The following BYSL variants were observed in gnomAD, a reference collection of about 807,000 sequenced individuals.
BYSL encodes the protein bystin like, also known as bystin.
In BYSL, 21 loss-of-function variants were observed where a neutral mutation model predicts 45.4. That is an observed-to-expected ratio of 0.46 (90% confidence interval 0.33 to 0.67). The LOEUF (loss-of-function observed/expected upper bound fraction) is 0.67, where lower values mean the gene tolerates loss of function less well. Among genes scored for constraint, BYSL ranks in the 30% least tolerant of loss-of-function variants. The probability of loss-of-function intolerance (pLI) is 0.02; values close to 1 mark genes in which losing one functional copy is unlikely to be tolerated. For missense variants in BYSL, 522 were observed against 578.5 expected (o/e 0.90, Z 1.00); for synonymous variants, 215 against 231.3 (o/e 0.93, Z 0.64).
chr6:41,911,853 T>C, the BYSL span, among the ~76,000 whole-genome samples: 1 of 152,068 alleles, frequency 6.6e-6, no homozygotes, highest in Admixed American at 6.6e-5. Flanking sequence ...TTCTCGACTC[T>C]GAAGAAAAAA....
upstream of BYSL, chr6:41,921,089 C>G (rs2274578): frequency 0.5 from 796,441 of 1,585,888 alleles, 202,868 homozygotes; most frequent in African/African-American, 0.6. Flanking sequence ...CACAGAAACT[C>G]CTTCAGTTCC....
chr6:41,909,323 C>T, the BYSL span: 1 of 1,614,130 alleles, frequency 6.2e-7, no homozygotes, highest in Non-Finnish European at 8.5e-7. Flanking sequence ...CCACCTTCAC[C>T]AGGAAGTCAC....
intron 1 of BYSL, among the ~76,000 whole-genome samples, chr6:41,922,323 T>G (rs1160795427): frequency 2.0e-5 from 3 of 152,254 alleles, no homozygotes; most frequent in Non-Finnish European, 4.4e-5. Flanking sequence ...GCAGGACCTT[T>G]AAGCTGAGAA....
intron 2 of BYSL, among the ~76,000 whole-genome samples, chr6:41,929,193 C>T (rs1044188926): frequency 2.6e-5 from 4 of 152,174 alleles, no homozygotes; most frequent in East Asian, 3.9e-4. Flanking sequence ...TGAGCCACTG[C>T]GCCCAACTGA....
intron 1 of BYSL, among the ~76,000 whole-genome samples, chr6:41,925,554 G>A (rs949739019): frequency 7.9e-5 from 12 of 151,948 alleles, no homozygotes; most frequent in African/African-American, 2.4e-4. Flanking sequence ...TAGTAGAGAC[G>A]GGGTTTCACC....
intron 4 of BYSL, 76 bp downstream of exon 4, chr6:41,930,844 C>T: frequency 6.6e-7 from 1 of 1,520,830 alleles, no homozygotes; most frequent in Non-Finnish European, 8.8e-7. Flanking sequence ...CTTTCCTTGC[C>T]TCTGGCCCCA....
Position 41,932,144 on chromosome 6 carries a change from TATGCTAGAGATAGAGATTTG to T in BYSL, c.969-216_969-197del. On this transcript the variant is annotated intron_variant, in intron 6 of 6. Transcript: ENST00000230340. This position sits in a 1 kb window ranked among gnomAD's most constrained non-coding sequence, Gnocchi z 4.7. The stretch of plus-strand genomic sequence containing the variant: ...TAGTTGGTTACTGAAACAAGCAGTC[TATGCTAGAGATAGAGATTTG>T]GGTGGATCCCTGTAGAGATGGTGAC... 6.6e-6 allele frequency among the ~76,000 whole-genome samples: 1 copy of T among 152,242 alleles called. No individual in the cohort carries two copies. Among genetic ancestry groups the T allele is most frequent in the African/African-American group, 2.4e-5 (1 of 41,548 alleles).
chr6:41,927,853 C>T (rs895999213), intron 2 of BYSL, among the ~76,000 whole-genome samples: 3 of 152,230 alleles, frequency 2.0e-5, no homozygotes, highest in South Asian at 2.1e-4. Context: ...GTTTTTTTAG[C>T]GGTAAGCTCA....
chr6:41,931,418 G>T lies in BYSL; in HGVS notation c.727G>T (p.Glu243Ter). 1 of 1,614,062 alleles carries T rather than the reference G, an allele frequency of 6.2e-7. No individual in the cohort carries two copies. Among genetic ancestry groups the T allele is most frequent in the Non-Finnish European group, 8.5e-7 (1 of 1,179,998 alleles). Residue 243 changes from glutamate (E) to a stop codon, truncating the protein, a stop_gained, in exon 5 of 7, where the codon GAA becomes TAA. Coordinates refer to ENST00000230340, the MANE Select transcript of BYSL (RefSeq NM_004053.4). LOFTEE classifies it high-confidence loss of function. ...TAGGATTTTTGCCTCTAACCTGAAG[G>T]AACGCATGGCCCAGCGCTTCTACAA... Reference protein sequence around the residue: ...ATRIFASNLKERMAQRFYNLV... With the variant: ...ATRIFASNLK
intron 2 of BYSL, 111 bp from the exon 3 acceptor site, chr6:41,930,021 C>T (rs931114918): frequency 1.0e-5 from 14 of 1,374,694 alleles, no homozygotes; most frequent in Non-Finnish European, 1.4e-5. Context: ...CCAGCAGGAT[C>T]GCAGTATGGC....
chr6:41,930,938 G>A (rs762487817), intron 4 of BYSL, among the ~76,000 whole-genome samples, 170 bp downstream of exon 4: 58 of 152,132 alleles, frequency 3.8e-4, no homozygotes, highest in Non-Finnish European at 7.2e-4. Flanking sequence ...ATTTTTTGGG[G>A]CCAAGACCCA....
At chr6:41,929,059 G>A (rs1013473167) in intron 2 of BYSL, among the ~76,000 whole-genome samples, 6 of 152,194 alleles carry the variant, frequency 3.9e-5, no homozygotes, top group African/African-American at 9.6e-5. Flanking sequence ...GTACCACCAC[G>A]CCTGGCTAAT....
At chr6:41,925,793 C>G (rs1182247159) in intron 1 of BYSL, among the ~76,000 whole-genome samples, 2 of 152,156 alleles carry the variant, frequency 1.3e-5, no homozygotes, top group Non-Finnish European at 2.9e-5. Flanking sequence ...TCAAGCGATT[C>G]TCATGCCTCA....
intron 1 of BYSL, 109 bp downstream of exon 1, chr6:41,921,939 G>C (rs1295197660): frequency 7.1e-7 from 1 of 1,405,120 alleles, no homozygotes; most frequent in Non-Finnish European, 9.4e-7. Flanking sequence ...AAAGGGGTCC[G>C]TATTACACTT....
At position 41,930,613 on chromosome 6, in the gene BYSL, GT is replaced by G. The variant is rs1775622967; in HGVS notation, c.571-18del. 3 of 1,594,612 alleles carry G rather than the reference GT, an allele frequency of 1.9e-6. No homozygotes were observed. The East Asian group carries it at 6.7e-5, about 36-fold the overall frequency. On this transcript the variant is annotated intron_variant, in intron 3 of 6. Coordinates refer to ENST00000230340, the MANE Select transcript of BYSL (RefSeq NM_004053.4). The stretch of plus-strand genomic sequence containing the variant: ...TTGCCATATGTGGATGACGATGATT[GT>G]TTTACCTCCCTCATCCCTAGGTATT...
At chr6:41,909,091 T>C in the BYSL span, 8 of 768,282 alleles carry the variant, frequency 1.0e-5, no homozygotes, top group Admixed American at 2.2e-4. Context: ...GAAGGATCAC[T>C]TGAGCCCTGG....
At chr6:41,926,405 T>C (rs190412417) in intron 1 of BYSL, among the ~76,000 whole-genome samples, 2 of 152,230 alleles carry the variant, frequency 1.3e-5, no homozygotes, top group African/African-American at 4.8e-5. Context: ...CTTATTTATT[T>C]ATTTATTTGC....
chr6:41,911,659 G>C, the BYSL span, among the ~76,000 whole-genome samples: 2 of 152,132 alleles, frequency 1.3e-5, no homozygotes, highest in Non-Finnish European at 2.9e-5. Context: ...TTCTAGACGG[G>C]GGTAAGAGTG....
rs566051886 is a variant in BYSL at position 41,923,296 on chromosome 6, C to A, written c.268+1466C>A. Reference sequence around the variant, plus strand: ...AGCTGGGACCACAGGTGTGTGCCACCATGTCCAACTAATTCTTTTTTTTTT... The same window carrying A: ...AGCTGGGACCACAGGTGTGTGCCACAATGTCCAACTAATTCTTTTTTTTTT... On this transcript the variant is annotated intron_variant, in intron 1 of 6. Coordinates refer to ENST00000230340, the MANE Select transcript of BYSL (RefSeq NM_004053.4). Among the ~76,000 whole-genome samples, 49 of 150,590 alleles carry A rather than the reference C, an allele frequency of 3.3e-4. No individual in the cohort carries two copies. In the South Asian group the frequency reaches 7.6e-3, roughly 23 times the overall value.
Sources: allele counts gnomAD v4.1 joint callset (sites outside exome capture counted in the v4.1 genomes callset), GRCh38; gene constraint gnomAD v4.1.1; non-coding constraint Gnocchi (gnomAD v3.1); transcripts MANE v1.5; gene names NCBI Gene and HGNC (gene_info 2026-07-23, HGNC 2026-07-21).